RABGAP1L: variants seen among roughly 807,000 people sequenced by gnomAD.
The protein encoded by RABGAP1L is rab GTPase-activating protein 1-like.
RABGAP1L carries 63 observed loss-of-function variants against 137.7 expected under a neutral mutation model. The ratio of observed to expected loss-of-function variants is 0.46; its 90% confidence interval spans 0.37 to 0.56. The LOEUF (loss-of-function observed/expected upper bound fraction) is 0.56. Among genes scored for constraint, RABGAP1L ranks in the 20% least tolerant of loss-of-function variants. RABGAP1L has a pLI of 0.00. For missense variants in RABGAP1L, 1,095 were observed against 1,244.0 expected (o/e 0.88, Z 1.80); for synonymous variants, 431 against 433.7 (o/e 0.99, Z 0.08).
intron 11 of RABGAP1L, among the ~76,000 whole-genome samples, chr1:174,334,170 CTG>C (rs1354932896): frequency 6.6e-6 from 1 of 152,182 alleles, no homozygotes; most frequent in East Asian, 1.9e-4. Context: ...TGAAGGGAAT[CTG>C]TGCTCCAGGA....
chr1:174,803,936 G>T (rs576438501), intron 18 of RABGAP1L, among the ~76,000 whole-genome samples: 1 of 151,892 alleles, frequency 6.6e-6, no homozygotes, highest in African/African-American at 2.4e-5. Flanking sequence ...AGTCAGGTGT[G>T]GGGGTGGGCG....
At chr1:174,306,509 T>C (rs1678263926) in intron 11 of RABGAP1L, among the ~76,000 whole-genome samples, 1 of 152,248 alleles carries the variant, frequency 6.6e-6, no homozygotes, top group African/African-American at 2.4e-5. Context: ...ATTTCTCTGA[T>C]GGCCAGTGAT....
At position 174,420,705 on chromosome 1, in the gene RABGAP1L, T is replaced by C. The variant is rs1244910295; in HGVS notation, c.1710+26560T>C. The stretch of plus-strand genomic sequence containing the variant: ...TTTTTTTTTTTTTGAGACGGAGTCT[T>C]GCTCTGTCACCCAGGCTGGAGTGCA... On this transcript the variant is annotated intron_variant, in intron 13 of 25. Coordinates refer to ENST00000681986, the MANE Select transcript of RABGAP1L (RefSeq NM_001366446.1). 1.5e-4 allele frequency among the ~76,000 whole-genome samples: 23 copies of C among 150,482 alleles called. No individual in the cohort carries two copies. The East Asian group carries it at 2.7e-3, about 18-fold the overall frequency.
intron 13 of RABGAP1L, among the ~76,000 whole-genome samples, chr1:174,614,285 T>A (rs909602816): frequency 6.6e-6 from 1 of 152,252 alleles, no homozygotes; most frequent in African/African-American, 2.4e-5. Flanking sequence ...TTTGCTTGTC[T>A]GTAAAGGAGT....
At chr1:174,193,741 T>C (rs1490680425) in intron 1 of RABGAP1L, among the ~76,000 whole-genome samples, 1 of 152,180 alleles carries the variant, frequency 6.6e-6, no homozygotes, top group Non-Finnish European at 1.5e-5. Flanking sequence ...TTCATGTGTT[T>C]TGGGGAAGGG....
intron 13 of RABGAP1L, among the ~76,000 whole-genome samples, chr1:174,421,363 C>T (rs1233011376): frequency 6.6e-6 from 1 of 152,156 alleles, no homozygotes; most frequent in Non-Finnish European, 1.5e-5. Flanking sequence ...TTTTTTTACA[C>T]ACTCCTTCCC....
At chr1:174,197,160 C>G (rs1667750064) in intron 1 of RABGAP1L, among the ~76,000 whole-genome samples, 2 of 152,188 alleles carry the variant, frequency 1.3e-5, no homozygotes, top group African/African-American at 4.8e-5. Flanking sequence ...ATCCTTTTCT[C>G]TTTCTCAGCA....
rs763783082 is a variant in RABGAP1L at position 174,275,847 on chromosome 1, G to A, written c.1068G>A (p.Lys356=). 1.9e-6 allele frequency: 3 copies of A among 1,611,030 alleles called. No individual in the cohort carries two copies. Among genetic ancestry groups the A allele is most frequent in the Admixed American group, 3.3e-5 (2 of 59,850 alleles). Residue 356 remains lysine (K), a synonymous_variant, in exon 9 of 26, where the codon AAG becomes AAA. Transcript: ENST00000681986. ...MHLLDMESMG[K]SYDGRAYVIT... is the part of the protein sequence containing the mutation. ...AATTTTTATAGGAATCCATGGGAAA[G>A]AGCTATGATGGGAGAGCTTATGTCA...
chr1:174,912,127 CTTTGTTTG>C (rs10638992), intron 19 of RABGAP1L, among the ~76,000 whole-genome samples: 165 of 151,152 alleles, frequency 1.1e-3, no homozygotes, highest in Non-Finnish European at 1.4e-3. Context: ...CATTAAATTC[CTTTGTTTG>C]TTTGTTTGTT....
At chr1:174,287,792 C>G (rs1303200236) in intron 10 of RABGAP1L, among the ~76,000 whole-genome samples, 6 of 152,166 alleles carry the variant, frequency 3.9e-5, no homozygotes. Flanking sequence ...AGCACCCAGC[C>G]TACTCTATAT....
intron 14 of RABGAP1L, among the ~76,000 whole-genome samples, chr1:174,650,466 G>A (rs543876519): frequency 4.6e-5 from 7 of 152,042 alleles, no homozygotes; most frequent in South Asian, 4.2e-4. Context: ...TCTGGTCCTG[G>A]ACTCTTTTTG....
chr1:174,323,115 CAGTTTT>C (rs1243393835), intron 11 of RABGAP1L, among the ~76,000 whole-genome samples: 3 of 152,066 alleles, frequency 2.0e-5, no homozygotes, highest in Non-Finnish European at 4.4e-5. Flanking sequence ...TAGTGAAAAA[CAGTTTT>C]CACGTCTGTC....
chr1:174,866,124 A>AGAGG (rs1218427555), intron 19 of RABGAP1L, among the ~76,000 whole-genome samples: 1 of 140,054 alleles, frequency 7.1e-6, no homozygotes, highest in Non-Finnish European at 1.6e-5. Context: ...AGAGAGAGAG[A>AGAGG]GAGAGAGAGA....
intron 13 of RABGAP1L, among the ~76,000 whole-genome samples, chr1:174,417,964 A>AT (rs1209936619): frequency 6.6e-6 from 1 of 152,166 alleles, no homozygotes; most frequent in Non-Finnish European, 1.5e-5. Context: ...ATCATAGAGA[A>AT]TTTTTTTATA....
At chr1:174,744,232 A>G (rs1014140677) in intron 17 of RABGAP1L, among the ~76,000 whole-genome samples, 1 of 152,122 alleles carries the variant, frequency 6.6e-6, no homozygotes, top group African/African-American at 2.4e-5. Context: ...AACCTAAAAT[A>G]TTAAACTTTC....
chr1:174,547,970 C>T (rs1302491733), intron 13 of RABGAP1L: 3 of 1,550,410 alleles, frequency 1.9e-6, no homozygotes, highest in Non-Finnish European at 2.6e-6. Context: ...ATTACTTATA[C>T]TTTTTGTTTT....
chr1:174,583,492 A>G (rs551126915), intron 13 of RABGAP1L, among the ~76,000 whole-genome samples: 1 of 152,326 alleles, frequency 6.6e-6, no homozygotes, highest in South Asian at 2.1e-4. Context: ...TAATTATTCT[A>G]TGAGATGCTA....
At chr1:174,878,925 G>GT (rs869251284) in intron 19 of RABGAP1L, among the ~76,000 whole-genome samples, 12,715 of 85,096 alleles carry the variant, frequency 0.15, 2,991 homozygotes, top group African/African-American at 0.41. Context: ...TTTGTGCATT[G>GT]TTTTTTTTTT....
chr1:174,722,336 A>G (rs1681619060), intron 17 of RABGAP1L, among the ~76,000 whole-genome samples: 1 of 152,216 alleles, frequency 6.6e-6, no homozygotes, highest in Admixed American at 6.5e-5. Context: ...CACTTACACG[A>G]ATGGTATATT....
Sources: allele counts gnomAD v4.1 joint callset (sites outside exome capture counted in the v4.1 genomes callset), GRCh38; gene constraint gnomAD v4.1.1; transcripts MANE v1.5; gene names NCBI Gene and HGNC (gene_info 2026-07-23, HGNC 2026-07-21).